Variants in VCAN observed in about 807,000 individuals in gnomAD.
The protein encoded by VCAN is versican.
VCAN carries 44 observed loss-of-function variants against 245.5 expected under a neutral mutation model. The ratio of observed to expected loss-of-function variants is 0.18; its 90% CI spans 0.14 to 0.23. The LOEUF is 0.23. Ranked by LOEUF, VCAN falls within the 10% of genes least tolerant of loss-of-function variation. The pLI is 1.00. For missense variants in VCAN, 3,793 were observed against 4,057.9 expected, an observed-to-expected ratio of 0.93 and a Z score of 1.77; for synonymous variants, 1,413 against 1,437.0, an observed-to-expected ratio of 0.98 and a Z score of 0.38.
Position 83,540,445 on chromosome 5 carries a change from G to T in VCAN, c.7442G>T (p.Gly2481Val). 1.2e-6 allele frequency: 2 copies of T among 1,613,952 alleles called. No homozygotes were observed. The highest frequency in any genetic ancestry group is 1.7e-6 in the Non-Finnish European group (2 of 1,179,936). ...AGCGCTAAAGCTGTTACTGCTGATG[G>T]ATTCCCAACAGTTTCAGTGATGCTG... ...VPSAKAVTAD[G>V]FPTVSVMLPL... is the part of the protein sequence containing the mutation. Residue 2481 changes from glycine (G) to valine (V), a missense_variant, in exon 8 of 15, where the codon GGA becomes GTA. Coordinates refer to ENST00000265077, the MANE Select transcript of VCAN (RefSeq NM_004385.5).
At chr5:83,557,604 T>C (rs1463242615) in intron 12 of VCAN, among the ~76,000 whole-genome samples, 2 of 152,168 alleles carry the variant, frequency 1.3e-5, no homozygotes. Context: ...TAATTTTTAA[T>C]GTAGGTACAC....
chr5:83,494,499 G>C (rs1745095455), intron 5 of VCAN, among the ~76,000 whole-genome samples: 1 of 152,182 alleles, frequency 6.6e-6, no homozygotes, highest in African/African-American at 2.4e-5. Context: ...CTGGTTGTTA[G>C]AGATATGAAA....
chr5:83,559,111 G>T (rs1747771657), intron 12 of VCAN, among the ~76,000 whole-genome samples: 1 of 152,066 alleles, frequency 6.6e-6, no homozygotes, highest in Admixed American at 6.6e-5. Context: ...GAATTGCTTT[G>T]CTTGTCACCC....
chr5:83,523,991 G>T (rs1017877713), intron 7 of VCAN, among the ~76,000 whole-genome samples: 1 of 152,140 alleles, frequency 6.6e-6, no homozygotes, highest in Admixed American at 6.5e-5. Flanking sequence ...TGGATATGCA[G>T]ATTGTTTTTC....
intron 2 of VCAN, among the ~76,000 whole-genome samples, chr5:83,484,634 A>T (rs1404949339): frequency 1.3e-5 from 2 of 152,108 alleles, no homozygotes; most frequent in African/African-American, 2.4e-5. Context: ...TTTGTGCCAG[A>T]TATTATTCTG....
chr5:83,511,062 C>T (rs185070548), intron 5 of VCAN, among the ~76,000 whole-genome samples: 1 of 151,318 alleles, frequency 6.6e-6, no homozygotes, highest in Non-Finnish European at 1.5e-5. Flanking sequence ...TGCAGTGAGC[C>T]CAGATCGTGC....
At chr5:83,522,438 G>A (rs1746144343) in intron 7 of VCAN, 129 bp downstream of exon 7, 1 of 950,212 alleles carries the variant, frequency 1.1e-6, no homozygotes. Flanking sequence ...AAAAATAAAT[G>A]TTTTAGCTTC....
chr5:83,542,800 C>T (rs1335513444), intron 8 of VCAN, among the ~76,000 whole-genome samples: 1 of 152,172 alleles, frequency 6.6e-6, no homozygotes, highest in Admixed American at 6.5e-5. Context: ...TTGTTTAAGA[C>T]AGTCTACATA....
intron 5 of VCAN, among the ~76,000 whole-genome samples, chr5:83,507,564 AT>A (rs1189371027): frequency 6.6e-6 from 1 of 152,202 alleles, no homozygotes; most frequent in Non-Finnish European, 1.5e-5. Flanking sequence ...AAACGTGCCT[AT>A]TTGATTTGCT....
At chr5:83,509,648 C>A (rs950267434) in intron 5 of VCAN, among the ~76,000 whole-genome samples, 15 of 152,212 alleles carry the variant, frequency 9.9e-5, no homozygotes, top group Non-Finnish European at 2.2e-4. Flanking sequence ...GAAACTAAGG[C>A]AACACAACTA....
chr5:83,577,278 C>A (rs1418901693), intron 13 of VCAN, among the ~76,000 whole-genome samples: 1 of 152,144 alleles, frequency 6.6e-6, no homozygotes, highest in Non-Finnish European at 1.5e-5. Flanking sequence ...TGTTGACATA[C>A]TGATTAATAT....
chr5:83,535,309 G>T (rs565572108), intron 7 of VCAN, among the ~76,000 whole-genome samples: 1 of 151,978 alleles, frequency 6.6e-6, no homozygotes, highest in Admixed American at 6.6e-5. Context: ...TAGGAAGGGT[G>T]TTTAGTTAGG....
chr5:83,548,696 A>G (rs1362791768), intron 10 of VCAN, among the ~76,000 whole-genome samples: 1 of 152,144 alleles, frequency 6.6e-6, no homozygotes, highest in Non-Finnish European at 1.5e-5. Flanking sequence ...GGTTAATGGG[A>G]GCATTTCTTG....
Position 83,545,846 on chromosome 5 carries a change from C to T in VCAN, c.9379+196C>T, listed in dbSNP as rs774233298. Among the ~76,000 whole-genome samples, 6 of 152,224 alleles carry T rather than the reference C, an allele frequency of 3.9e-5. No homozygotes were observed. The East Asian group carries it at 5.8e-4, about 15-fold the overall frequency. ...ACAGATATTCAGTGAATTCTGTTAACGTAACCAAGACTCAGTGAGGCCTGC... is the reference window on the plus strand; with the variant it reads ...ACAGATATTCAGTGAATTCTGTTAATGTAACCAAGACTCAGTGAGGCCTGC... On this transcript the variant is annotated intron_variant, in intron 9 of 14. Transcript: ENST00000265077.
intron 6 of VCAN, 199 bp downstream of exon 6, chr5:83,512,595 AT>A: frequency 1.5e-6 from 1 of 650,464 alleles, no homozygotes; most frequent in Non-Finnish European, 2.6e-6. Flanking sequence ...TGGCAAATGG[AT>A]TTTTAGAGGG....
chr5:83,565,140 A>C (rs900243054), intron 12 of VCAN, among the ~76,000 whole-genome samples: 1 of 152,140 alleles, frequency 6.6e-6, no homozygotes, highest in Admixed American at 6.6e-5. Context: ...CTCAGGCACA[A>C]ATTTGAACTG....
chr5:83,495,791 ATAT>A (rs1175275128), intron 5 of VCAN, among the ~76,000 whole-genome samples: 2 of 152,200 alleles, frequency 1.3e-5, no homozygotes, highest in African/African-American at 4.8e-5. Flanking sequence ...TCTTTACCAA[ATAT>A]TATTTAAATG....
rs1746014685 is a variant in VCAN, at chr5:83,519,943, G to A, written c.1637G>A (p.Gly546Asp). Reference protein sequence around the residue: ...VSTVSELVTTGHYGFTLGEED... With the variant: ...VSTVSELVTTDHYGFTLGEED... ...ACTGTTTCTGAATTGGTAACCACAG[G>A]TCACTATGGATTCACCTTGGGAGAA... The change falls in exon 7 of 15, where the codon GGT (glycine) becomes GAT (aspartate). Residue 546 changes from glycine to aspartate, a missense_variant. This residue lies in a region of VCAN where 3,182 missense variants were observed against 3,250.3 expected (regional missense o/e 0.98). Transcript: ENST00000265077. The A allele has an allele frequency of 6.2e-7, 1 of 1,614,076 alleles. No homozygotes were observed. The highest frequency in any genetic ancestry group is 8.5e-7 in the Non-Finnish European group (1 of 1,179,974).
At chr5:83,544,424 T>A (rs978766244) in intron 8 of VCAN, among the ~76,000 whole-genome samples, 1 of 152,168 alleles carries the variant, frequency 6.6e-6, no homozygotes, top group Non-Finnish European at 1.5e-5. Flanking sequence ...TGTGGGGAAG[T>A]CTCAGTTATC....
Sources: gnomAD v4.1 joint callset for allele counts (sites outside exome capture counted in the v4.1 genomes callset) on GRCh38, gnomAD v4.1.1 for gene constraint, gnomAD v4.1.1 regional missense constraint, MANE v1.5 for transcripts, NCBI Gene and HGNC (gene_info 2026-07-23, HGNC 2026-07-21) for gene names.